Variants in UBR3 observed in about 807,000 individuals in gnomAD.
UBR3 encodes ubiquitin protein ligase E3 component n-recognin 3, also known as E3 ubiquitin-protein ligase UBR3.
Under a neutral mutation model 243.2 loss-of-function variants are expected in UBR3, and 85 were observed. The observed-to-expected ratio is 0.35, with a 90% CI of 0.29 to 0.42. The LOEUF is 0.42. Among genes scored for constraint, UBR3 ranks in the 10% least tolerant of loss-of-function variants. The pLI is 1.00. For missense variants in UBR3, 1,686 were observed against 2,300.8 expected (o/e 0.73, Z 5.47); for synonymous variants, 748 against 799.8 (o/e 0.94, Z 1.09).
At position 169,960,950 on chromosome 2, in the gene UBR3, C is replaced by T. The variant is rs1020704647; in HGVS notation, c.3634+2424C>T. Among the ~76,000 whole-genome samples, 3 of 152,076 alleles carry T rather than the reference C, an allele frequency of 2.0e-5. 1 individual carries two copies. The highest frequency in any genetic ancestry group is 7.3e-5 in the African/African-American group (3 of 41,378). On this transcript the variant is annotated intron_variant, in intron 24 of 38. Transcript: ENST00000272793. ...CAAAGAGACTATCTTTAGTACGTAG[C>T]CTCTTTTCTTCCAGTCCCTTGATTG...
At chr2:170,026,237 T>C (rs755225575) in intron 30 of UBR3, among the ~76,000 whole-genome samples, 1 of 152,004 alleles carries the variant, frequency 6.6e-6, no homozygotes, top group Non-Finnish European at 1.5e-5. Flanking sequence ...TAAGAATATA[T>C]GTTAATATGT....
intron 11 of UBR3, among the ~76,000 whole-genome samples, chr2:169,919,242 G>A (rs369601567): frequency 4.6e-5 from 7 of 152,076 alleles, no homozygotes; most frequent in African/African-American, 1.7e-4. Flanking sequence ...AAAACCATAG[G>A]GAGTCATTAA....
At chr2:169,965,683 A>G (rs958056978) in intron 24 of UBR3, among the ~76,000 whole-genome samples, 7 of 152,198 alleles carry the variant, frequency 4.6e-5, no homozygotes, top group Non-Finnish European at 8.8e-5. Context: ...GGGATGATTC[A>G]CATCCTGGAC....
chr2:169,835,122 T>G (rs957481935), intron 1 of UBR3, among the ~76,000 whole-genome samples: 5 of 41,958 alleles, frequency 1.2e-4, no homozygotes, highest in Non-Finnish European at 1.9e-4. Flanking sequence ...ACAATGTGAA[T>G]GTACTTAATG....
chr2:169,879,962 T>C (rs1559051015), intron 5 of UBR3, among the ~76,000 whole-genome samples: 1 of 152,152 alleles, frequency 6.6e-6, no homozygotes, highest in Non-Finnish European at 1.5e-5. Flanking sequence ...GGGAGGGGAA[T>C]GGTGGAAGTA....
chr2:169,958,566 C>T, intron 24 of UBR3, 40 bp downstream of exon 24: 1 of 1,551,134 alleles, frequency 6.4e-7, no homozygotes, highest in Non-Finnish European at 8.9e-7. Flanking sequence ...CATAATTATA[C>T]TTATTACTTT....
chr2:169,926,727 T>G lies in UBR3; in HGVS notation c.2187T>G (p.Ile729Met), dbSNP rs1299446692. 1.3e-6 allele frequency: 2 copies of G among 1,550,106 alleles called. No individual in the cohort carries two copies. The highest frequency in any genetic ancestry group is 2.4e-5 in the East Asian group (1 of 40,860). Residue 729 changes from isoleucine (I) to methionine (M), a missense_variant, in exon 15 of 39, where the codon ATT becomes ATG. Physicochemically the swap from Ile to Met is conservative, Grantham distance 10. This residue lies in a region of UBR3 where 346 missense variants were observed against 585.8 expected (regional missense o/e 0.59). Transcript: ENST00000272793. ...CTAGACTTGACCCAGATTATTTTATTTCATCCGTCTTTGAAAGGTAGGCAT... is the reference window on the plus strand; with the variant it reads ...CTAGACTTGACCCAGATTATTTTATGTCATCCGTCTTTGAAAGGTAGGCAT... ...CASRLDPDYF[I>M]SSVFERFKVV...
chr2:170,069,150 T>C (rs2091643096), intron 35 of UBR3, among the ~76,000 whole-genome samples: 1 of 152,156 alleles, frequency 6.6e-6, no homozygotes, highest in Non-Finnish European at 1.5e-5. Flanking sequence ...TTTATCCTGA[T>C]AGTTGAATGA....
At chr2:169,889,693 T>TG (rs35635654) in intron 5 of UBR3, among the ~76,000 whole-genome samples, 4 of 152,162 alleles carry the variant, frequency 2.6e-5, no homozygotes, top group Non-Finnish European at 2.9e-5. Context: ...GAAGACATAT[T>TG]GAAGTGCCCA....
At chr2:170,017,522 GACACAC>G (rs66540837) in intron 30 of UBR3, among the ~76,000 whole-genome samples, 90,822 of 144,920 alleles carry the variant, frequency 0.63, 29,148 homozygotes, top group East Asian at 0.82. Flanking sequence ...TATAATTACG[GACACAC>G]ACACACACAC....
chr2:169,846,700 ACT>A (rs2082490541), intron 1 of UBR3, among the ~76,000 whole-genome samples: 1 of 142,168 alleles, frequency 7.0e-6, no homozygotes, highest in African/African-American at 2.6e-5. Context: ...ACAGGGCAAG[ACT>A]CTGTCTCAAA....
At chr2:169,918,098 ATTG>A (rs749420609) in intron 11 of UBR3, among the ~76,000 whole-genome samples, 47 of 152,146 alleles carry the variant, frequency 3.1e-4, no homozygotes, top group Admixed American at 1.8e-3. Context: ...TGACTTGCCT[ATTG>A]TTATGTAGCA....
chr2:170,039,202 G>T (rs2090904777), intron 31 of UBR3, among the ~76,000 whole-genome samples: 1 of 152,154 alleles, frequency 6.6e-6, no homozygotes, highest in Non-Finnish European at 1.5e-5. Flanking sequence ...ACTTGGGACA[G>T]TGTTTCACAA....
intron 23 of UBR3, among the ~76,000 whole-genome samples, chr2:169,957,900 C>T (rs1030450710): frequency 2.0e-5 from 3 of 152,166 alleles, no homozygotes; most frequent in Admixed American, 6.5e-5. Flanking sequence ...ATAAACCAAA[C>T]TTGAAATATG....
In UBR3 at chr2:169,831,583, T is replaced by C. The variant is rs191612920; in HGVS notation, c.545+3531T>C. On this transcript the variant is annotated intron_variant, in intron 1 of 38. Coordinates refer to ENST00000272793, the MANE Select transcript of UBR3 (RefSeq NM_172070.4). ...AATAAACAGTATTGTGGCCATGCAATTACTCTGAATTTTTTCTAACTGCTT... is the reference window on the plus strand; with the variant it reads ...AATAAACAGTATTGTGGCCATGCAACTACTCTGAATTTTTTCTAACTGCTT... Among the ~76,000 whole-genome samples, 302 of 152,316 alleles carry C rather than the reference T, an allele frequency of 2.0e-3. 3 individuals are homozygous for C. Among genetic ancestry groups the C allele is most frequent in the African/African-American group, 7.0e-3 (290 of 41,554 alleles).
Position 169,829,814 on chromosome 2 carries a change from T to TACACACACACAC in UBR3, c.545+1791_545+1802dup, listed in dbSNP as rs10530118. Among the ~76,000 whole-genome samples the TACACACACACAC allele has an allele frequency of 2.7e-5, 4 of 149,232 alleles. No homozygotes were observed. The South Asian group carries it at 6.4e-4, about 24-fold the overall frequency. On this transcript the variant is annotated intron_variant, in intron 1 of 38. Coordinates refer to ENST00000272793, the MANE Select transcript of UBR3 (RefSeq NM_172070.4). ...ATAGGTAAAATATATAGCTAAAAAG[T>TACACACACACAC]ACACACACACACACACACACACACA...
chr2:169,832,410 C>T (rs545042743), intron 1 of UBR3, among the ~76,000 whole-genome samples: 14 of 151,824 alleles, frequency 9.2e-5, no homozygotes, highest in South Asian at 8.3e-4. Context: ...ATTAGTCAGG[C>T]GTGGTGGTGG....
At chr2:169,845,260 A>T (rs1049709609) in intron 1 of UBR3, among the ~76,000 whole-genome samples, 1 of 151,674 alleles carries the variant, frequency 6.6e-6, no homozygotes, top group African/African-American at 2.4e-5. Context: ...TCATCTTTAT[A>T]AAAACTAGAA....
rs1248531201 is a variant in UBR3 at position 169,872,152 on chromosome 2, C to T, written c.546-84C>T. On this transcript the variant is annotated intron_variant, in intron 1 of 38. Coordinates refer to ENST00000272793, the MANE Select transcript of UBR3 (RefSeq NM_172070.4). ...AAAGGAGGATTTATTGGCCTATATT[C>T]CATTTACGAATATTGTAAATAGAAA... 9 of 995,812 alleles carry T rather than the reference C, an allele frequency of 9.0e-6. No homozygotes were observed. In the East Asian group the frequency reaches 2.6e-4, roughly 29 times the overall value. 61.7% of individuals were successfully genotyped at this position (995,812 alleles called of 1,614,324 possible).
Sources: gnomAD v4.1 joint callset for allele counts (sites outside exome capture counted in the v4.1 genomes callset) on GRCh38, gnomAD v4.1.1 for gene constraint, gnomAD v4.1.1 regional missense constraint, MANE v1.5 for transcripts, NCBI Gene and HGNC (gene_info 2026-07-23, HGNC 2026-07-21) for gene names.